Variants in ABR observed in about 807,000 individuals in gnomAD.
The protein encoded by ABR is ABR activator of RhoGEF and GTPase.
A neutral mutation model predicts 107.2 loss-of-function variants in ABR; 35 were observed. The observed-to-expected ratio is 0.33, with a 90% CI of 0.25 to 0.43. ABR has a LOEUF of 0.43. Ranked by LOEUF, ABR falls within the 20% of genes least tolerant of loss-of-function variation. The pLI, the probability that ABR is intolerant of heterozygous loss-of-function variation, is 1.00. For synonymous variants in ABR, 498 were observed against 462.0 expected (o/e 1.08, Z -1.00); for missense variants, 815 against 1,115.2 (o/e 0.73, Z 3.83).
At chr17:1,075,195 G>A (rs1262956845) in intron 6 of ABR, among the ~76,000 whole-genome samples, 1 of 152,238 alleles carries the variant, frequency 6.6e-6, no homozygotes, top group Non-Finnish European at 1.5e-5. Context: ...CACCCTTCCT[G>A]TACGCGGCTG....
chr17:1,021,884 C>T (rs1006584361), intron 16 of ABR, among the ~76,000 whole-genome samples: 3 of 142,976 alleles, frequency 2.1e-5, no homozygotes, highest in African/African-American at 5.3e-5. Context: ...CCCAGCCGGG[C>T]GCGGTGGCTC....
chr17:1,116,086 T>C (rs2038973572), intron 2 of ABR, among the ~76,000 whole-genome samples: 1 of 143,472 alleles, frequency 7.0e-6, no homozygotes, highest in Non-Finnish European at 1.5e-5. Context: ...ATTAGCCGGA[T>C]GTGGTGGCCT....
Position 1,045,743 on chromosome 17 carries a change from C to T in ABR, c.1791+4307G>A, listed in dbSNP as rs572157201. ...GCTATTGTGGCTGACATCTAGCATT[C>T]TTCTCACTGGAGAACATGGACCAAT... On this transcript the variant is annotated intron_variant, in intron 16 of 22. Coordinates refer to ENST00000302538, the MANE Select transcript of ABR (RefSeq NM_021962.5). Among the ~76,000 whole-genome samples, 74 of 152,376 alleles carry T rather than the reference C, an allele frequency of 4.9e-4. 1 individual carries two copies. Among genetic ancestry groups the T allele is most frequent in the East Asian group, 2.5e-3 (13 of 5,186 alleles).
intron 2 of ABR, among the ~76,000 whole-genome samples, chr17:1,106,745 A>G (rs1371466674): frequency 2.0e-5 from 3 of 151,962 alleles, no homozygotes; most frequent in African/African-American, 4.8e-5. Flanking sequence ...GGTCAGGCTG[A>G]TCTCGAACTC....
At chr17:1,062,483 C>G (rs2034110260) in intron 10 of ABR, among the ~76,000 whole-genome samples, 1 of 126,392 alleles carries the variant, frequency 7.9e-6, no homozygotes, top group African/African-American at 3.0e-5. Flanking sequence ...GCATGTTCCT[C>G]CAGACACTGT....
chr17:1,010,304 C>T lies in ABR; in HGVS notation c.2236+425G>A, dbSNP rs138162770. The T allele has an allele frequency of 5.2e-5, 12 of 229,306 alleles. No individual in the cohort carries two copies. Among genetic ancestry groups the T allele is most frequent in the South Asian group, 1.5e-4 (2 of 13,552 alleles). 14.2% of individuals were successfully genotyped at this position (229,306 alleles called of 1,614,324 possible). On this transcript the variant is annotated intron_variant, in intron 20 of 22. Transcript: ENST00000302538. The surrounding 1 kb of genome is among the most constrained non-coding windows in gnomAD (Gnocchi z 4.1). ...GGAAGGCCTGCTGGCCGGGGCCCTCCGCAGAGGTGACGGGACGGTGTGTGG... is the reference window on the plus strand; with the variant it reads ...GGAAGGCCTGCTGGCCGGGGCCCTCTGCAGAGGTGACGGGACGGTGTGTGG...
In ABR at chr17:1,004,357, G is replaced by A. The variant is rs1029811119; in HGVS notation, c.*1723C>T. The A allele has an allele frequency of 3.9e-5, 6 of 152,532 alleles. No homozygotes were observed. Among genetic ancestry groups the A allele is most frequent in the African/African-American group, 1.4e-4 (6 of 41,464 alleles). The allele number at this position is 152,532 out of a possible 1,614,324, so 9.4% of individuals were successfully genotyped here. ...TTTACTGTTCTGCCCAAGGCCACAG[G>A]AGTAAACAGGCTCAAAAAGGGCCTC... is the stretch of plus-strand genomic sequence containing the variant. On this transcript the variant is annotated 3_prime_UTR_variant, in exon 23 of 23. Transcript: ENST00000302538.
At position 1,012,106 on chromosome 17, in the gene ABR, G is replaced by A. The variant is rs368163113; in HGVS notation, c.1962-121C>T. The A allele has an allele frequency of 6.0e-5, 90 of 1,507,762 alleles. No homozygotes were observed. The African/African-American group carries it at 6.9e-4, about 11-fold the overall frequency. 93.4% of individuals were successfully genotyped at this position (1,507,762 alleles called of 1,614,324 possible). A position where few individuals can be genotyped will look rare whatever the true frequency, so the allele number is the denominator to read the frequency against. On this transcript the variant is annotated intron_variant, in intron 18 of 22. Coordinates refer to ENST00000302538, the MANE Select transcript of ABR (RefSeq NM_021962.5). ...AGCATTTGGGATGGAGAGCTGGGGC[G>A]GGGGCAGGGGCAGGGCAGAGAAAGA...
chr17:1,082,701 A>T (rs897897373), intron 5 of ABR, among the ~76,000 whole-genome samples: 1 of 152,210 alleles, frequency 6.6e-6, no homozygotes. Flanking sequence ...CCCTGTCATA[A>T]ATATTACCCA....
At chr17:1,103,003 C>T (rs557711284) in intron 2 of ABR, among the ~76,000 whole-genome samples, 1 of 152,286 alleles carries the variant, frequency 6.6e-6, no homozygotes, top group South Asian at 2.1e-4. Context: ...AGCCATGGAG[C>T]CGGGCCGAGA....
intron 16 of ABR, among the ~76,000 whole-genome samples, chr17:1,039,866 C>T (rs1229236444): frequency 2.0e-5 from 3 of 152,144 alleles, no homozygotes; most frequent in Admixed American, 1.3e-4. Flanking sequence ...CGGGCGCCGA[C>T]GCGGGCTGAT....
chr17:1,101,308 C>G (rs1291908501), intron 2 of ABR: 1 of 152,872 alleles, frequency 6.5e-6, no homozygotes, highest in Admixed American at 6.5e-5. Context: ...TTAAGCGACA[C>G]TTTCATAGGG....
At chr17:1,016,776 G>A (rs1055268058) in intron 16 of ABR, among the ~76,000 whole-genome samples, 11 of 152,080 alleles carry the variant, frequency 7.2e-5, no homozygotes, top group African/African-American at 2.7e-4. Flanking sequence ...AGCACCTATG[G>A]CAGCTGAGAA....
chr17:1,061,857 G>A (rs2033976481), intron 10 of ABR, among the ~76,000 whole-genome samples: 1 of 152,164 alleles, frequency 6.6e-6, no homozygotes, highest in Non-Finnish European at 1.5e-5. Context: ...CTAACCACCT[G>A]TTTTCTACGT....
chr17:1,024,426 C>T (rs1014926062), intron 16 of ABR, among the ~76,000 whole-genome samples: 9 of 152,312 alleles, frequency 5.9e-5, no homozygotes, highest in Non-Finnish European at 8.8e-5. Context: ...GTCTGAACGT[C>T]GCCCCTCGGC....
intron 16 of ABR, chr17:1,031,869 CCCGCG>C: frequency 8.3e-7 from 1 of 1,202,170 alleles, no homozygotes; most frequent in Non-Finnish European, 1.0e-6. Context: ...TCCCTCCCTC[CCCGCG>C]CTCCCCTCCC....
intron 1 of ABR, among the ~76,000 whole-genome samples, chr17:1,203,897 C>T (rs1443024904): frequency 6.6e-6 from 1 of 152,198 alleles, no homozygotes; most frequent in Non-Finnish European, 1.5e-5. Context: ...GAGAAACCAG[C>T]TCCAGCTCCT....
At chr17:1,047,460 C>T (rs1232100140) in intron 16 of ABR, among the ~76,000 whole-genome samples, 1 of 152,178 alleles carries the variant, frequency 6.6e-6, no homozygotes, top group Non-Finnish European at 1.5e-5. Flanking sequence ...CACAGCCCGC[C>T]CCTGGGGCAT....
chr17:1,061,339 G>A (rs959228836), intron 10 of ABR, among the ~76,000 whole-genome samples: 1 of 152,182 alleles, frequency 6.6e-6, no homozygotes, highest in South Asian at 2.1e-4. Flanking sequence ...CGTTCAGGAG[G>A]GGGACAGCTG....
Sources: gnomAD v4.1 joint callset for allele counts (sites outside exome capture counted in the v4.1 genomes callset) on GRCh38, gnomAD v4.1.1 for gene constraint, Gnocchi (gnomAD v3.1) non-coding constraint, MANE v1.5 for transcripts, NCBI Gene and HGNC (gene_info 2026-07-23, HGNC 2026-07-21) for gene names.